The following NOX4 variants were observed in gnomAD, a reference collection of about 807,000 sequenced individuals.
NOX4 encodes the protein NADPH oxidase 4, also known as kidney oxidase-1.
A neutral mutation model predicts 87.6 loss-of-function variants in NOX4; 69 were observed. The ratio of observed to expected loss-of-function variants is 0.79; its 90% confidence interval spans 0.65 to 0.96. The LOEUF is 0.96. NOX4 is among the 40% of genes least tolerant of loss of function. The pLI, the probability that NOX4 is intolerant of heterozygous loss-of-function variation, is 0.00. For missense variants in NOX4, 680 were observed against 681.5 expected (o/e 1.00, Z 0.02); for synonymous variants, 275 against 238.2 (o/e 1.15, Z -1.42).
At chr11:89,474,020 C>CTG (rs1946060071) in intron 2 of NOX4, among the ~76,000 whole-genome samples, 1 of 152,106 alleles carries the variant, frequency 6.6e-6, no homozygotes, top group Non-Finnish European at 1.5e-5. Context: ...CTGACAAACT[C>CTG]TTCACAGAGT....
chr11:89,516,484 T>C, the NOX4 span, among the ~76,000 whole-genome samples: 3 of 152,080 alleles, frequency 2.0e-5, no homozygotes, highest in Admixed American at 6.6e-5. Flanking sequence ...TCTCAGGCTT[T>C]TTTTTAAATC....
At chr11:89,524,227 G>C in the NOX4 span, among the ~76,000 whole-genome samples, 2 of 152,142 alleles carry the variant, frequency 1.3e-5, no homozygotes, top group South Asian at 4.1e-4. Flanking sequence ...ATAGAGCACT[G>C]TTTAATGCCT....
the NOX4 span, among the ~76,000 whole-genome samples, chr11:89,523,033 T>G: frequency 6.6e-6 from 1 of 152,138 alleles, no homozygotes; most frequent in Non-Finnish European, 1.5e-5. Flanking sequence ...TTCTTTTCTT[T>G]TTTTTCTTTT....
At chr11:89,535,307 T>C in the NOX4 span, among the ~76,000 whole-genome samples, 1 of 152,250 alleles carries the variant, frequency 6.6e-6, no homozygotes, top group African/African-American at 2.4e-5. Context: ...CCAACCCCAT[T>C]TGGTGTTTAG....
intron 17 of NOX4, among the ~76,000 whole-genome samples, chr11:89,328,557 CA>C (rs775281202): frequency 3.9e-5 from 6 of 152,038 alleles, no homozygotes; most frequent in Admixed American, 1.3e-4. Flanking sequence ...ATAAATAAAT[CA>C]AAATTTGGCA....
At chr11:89,444,530 C>T (rs1242742550) in intron 4 of NOX4, among the ~76,000 whole-genome samples, 1 of 146,530 alleles carries the variant, frequency 6.8e-6, no homozygotes, top group African/African-American at 2.7e-5. Flanking sequence ...CACATACACA[C>T]ACACACACAC....
At chr11:89,447,898 T>C (rs886230360) in intron 4 of NOX4, among the ~76,000 whole-genome samples, 1 of 152,122 alleles carries the variant, frequency 6.6e-6, no homozygotes. Flanking sequence ...GGACTACCAA[T>C]TGGAAGACAT....
chr11:89,336,482 ACAAGACAGCT>A (rs1945720748), intron 16 of NOX4, among the ~76,000 whole-genome samples: 1 of 152,020 alleles, frequency 6.6e-6, no homozygotes, highest in Admixed American at 6.6e-5. Context: ...ATAATCCTAG[ACAAGACAGCT>A]CAAGACAGCA....
the NOX4 span, among the ~76,000 whole-genome samples, chr11:89,547,563 A>G: frequency 1.3e-5 from 2 of 152,314 alleles, no homozygotes; most frequent in South Asian, 4.1e-4. Context: ...TCTCACCCTA[A>G]ATCTACTGAA....
chr11:89,451,579 T>C (rs1565310373), intron 3 of NOX4, among the ~76,000 whole-genome samples: 2 of 152,326 alleles, frequency 1.3e-5, no homozygotes, highest in East Asian at 1.9e-4. Context: ...GAAATCCCTG[T>C]TAATAATATT....
At chr11:89,355,656 C>A (rs1284926560) in intron 12 of NOX4, among the ~76,000 whole-genome samples, 4 of 152,028 alleles carry the variant, frequency 2.6e-5, no homozygotes, top group African/African-American at 9.7e-5. Context: ...CTCCCAAGAC[C>A]AAGTGTTGGA....
chr11:89,492,081 G>GGGAAC (rs5793406), upstream of NOX4: 138,112 of 151,818 alleles, frequency 0.91, 63,142 homozygotes, highest in African/African-American at 0.95. Flanking sequence ...GGGGCTCTAG[G>GGGAAC]TTAGGTTCAC....
intron 9 of NOX4, among the ~76,000 whole-genome samples, chr11:89,401,678 C>T (rs1347767177): frequency 6.6e-6 from 1 of 152,072 alleles, no homozygotes; most frequent in East Asian, 1.9e-4. Flanking sequence ...CAGGAGCAAG[C>T]ATATTAGTCA....
At chr11:89,528,023 G>A in the NOX4 span, among the ~76,000 whole-genome samples, 1 of 152,240 alleles carries the variant, frequency 6.6e-6, no homozygotes, top group Non-Finnish European at 1.5e-5. Context: ...CCACAGGGAT[G>A]AAGCTGCCCA....
rs147503954 is a variant in NOX4, at chr11:89,388,002, T to G, written c.1074+12015A>C. 4.1e-3 allele frequency among the ~76,000 whole-genome samples: 626 copies of G among 152,332 alleles called. 3 individuals are homozygous for G. The highest frequency in any genetic ancestry group is 0.014 in the African/African-American group (591 of 41,580). ...CAACAAATGGGTTCCAGCTATTGAT[T>G]GTATTATTTTGATTACTTTGGTCAC... On this transcript the variant is annotated intron_variant, in intron 11 of 17. Transcript: ENST00000263317.
upstream of NOX4, among the ~76,000 whole-genome samples, chr11:89,491,727 TACACACAC>T (rs66820323): frequency 0.012 from 1,679 of 140,700 alleles, 20 homozygotes; most frequent in Non-Finnish European, 0.02. Context: ...CGCCCCCTTG[TACACACAC>T]ACACACACAC....
chr11:89,479,605 T>A (rs1049583132), intron 2 of NOX4, among the ~76,000 whole-genome samples: 2 of 152,164 alleles, frequency 1.3e-5, no homozygotes, highest in African/African-American at 4.8e-5. Flanking sequence ...CCTTGAACAA[T>A]CCTTTCATGG....
At chr11:89,400,746 G>A (rs114995699) in intron 9 of NOX4, among the ~76,000 whole-genome samples, 5,196 of 151,352 alleles carry the variant, frequency 0.034, 173 homozygotes, top group East Asian at 0.13. Flanking sequence ...TAAATCTGGG[G>A]ATAATTTTAG....
chr11:89,566,016 A>G, the NOX4 span, among the ~76,000 whole-genome samples: 1 of 151,556 alleles, frequency 6.6e-6, no homozygotes, highest in South Asian at 2.1e-4. Context: ...ATATAAATGA[A>G]ATTAACTTAT....
Sources: gnomAD v4.1 joint callset for allele counts (sites outside exome capture counted in the v4.1 genomes callset) on GRCh38, gnomAD v4.1.1 for gene constraint, MANE v1.5 for transcripts, NCBI Gene and HGNC (gene_info 2026-07-23, HGNC 2026-07-21) for gene names.